Variants in ARHGEF28 observed in about 807,000 individuals in gnomAD.
ARHGEF28 encodes the protein Rho guanine nucleotide exchange factor 28.
In ARHGEF28, 152 loss-of-function variants were observed where a neutral mutation model predicts 206.6. The ratio of observed to expected loss-of-function variants is 0.74; its 90% confidence interval spans 0.64 to 0.84. The LOEUF is 0.84. ARHGEF28 is among the 40% of genes least tolerant of loss of function. The pLI is 0.00. For synonymous variants in ARHGEF28, 763 were observed against 776.4 expected, an observed-to-expected ratio of 0.98 and a Z score of 0.29; for missense variants, 2,028 against 2,073.2, an observed-to-expected ratio of 0.98 and a Z score of 0.42.
chr5:73,818,745 C>T (rs572303290), intron 9 of ARHGEF28, among the ~76,000 whole-genome samples: 12 of 152,288 alleles, frequency 7.9e-5, no homozygotes, highest in Admixed American at 6.5e-4. Flanking sequence ...TAAACAAATA[C>T]TTTGCCAAAT....
chr5:73,763,759 T>C (rs1216215002), intron 4 of ARHGEF28, among the ~76,000 whole-genome samples: 3 of 152,090 alleles, frequency 2.0e-5, no homozygotes, highest in African/African-American at 4.8e-5. Flanking sequence ...GAAAAATCGA[T>C]AAAGGCTGGA....
chr5:73,847,259 A>G (rs1758424594), intron 12 of ARHGEF28, among the ~76,000 whole-genome samples: 1 of 152,226 alleles, frequency 6.6e-6, no homozygotes, highest in African/African-American at 2.4e-5. Flanking sequence ...ATGCCCTACA[A>G]TATACAAAAT....
At chr5:73,859,892 A>G (rs568193935) in intron 16 of ARHGEF28, among the ~76,000 whole-genome samples, 1 of 152,254 alleles carries the variant, frequency 6.6e-6, no homozygotes, top group African/African-American at 2.4e-5. Flanking sequence ...CACTGCTTTT[A>G]AGCCTGTCTC....
chr5:73,737,769 G>A (rs563788717), intron 2 of ARHGEF28, among the ~76,000 whole-genome samples: 2 of 152,002 alleles, frequency 1.3e-5, no homozygotes, highest in South Asian at 2.1e-4. Flanking sequence ...CGCCTGCCTC[G>A]GACTCTCAAA....
chr5:73,730,217 TAG>T (rs1750524892), intron 2 of ARHGEF28, among the ~76,000 whole-genome samples: 1 of 152,226 alleles, frequency 6.6e-6, no homozygotes, highest in Non-Finnish European at 1.5e-5. Context: ...TCCTCAAATG[TAG>T]AGTTTTTTAA....
At chr5:73,811,799 G>T (rs113599375) in intron 9 of ARHGEF28, among the ~76,000 whole-genome samples, 5 of 152,068 alleles carry the variant, frequency 3.3e-5, no homozygotes, top group African/African-American at 1.2e-4. Flanking sequence ...CCTGGCTGAC[G>T]TAGAAATAAC....
At position 73,913,345 on chromosome 5, in the gene ARHGEF28, T is replaced by C. The variant is rs202087733; in HGVS notation, c.4948+1770T>C. On this transcript the variant is annotated intron_variant, in intron 35 of 35. Coordinates refer to ENST00000513042, the MANE Select transcript of ARHGEF28 (RefSeq NM_001177693.2). ...TTTGCAGCTAGTCAAAAAACCTTAT[T>C]TATGTTTACTTCATGATAAGCAATT... 6.2e-4 allele frequency among the ~76,000 whole-genome samples: 49 copies of C among 79,454 alleles called. No homozygotes were observed. In the African/African-American group the frequency reaches 6.6e-3, roughly 11 times the overall value. 52.1% of individuals were successfully genotyped at this position (79,454 alleles called of 152,430 possible).
At chr5:73,783,948 C>G (rs1330743067) in intron 7 of ARHGEF28, among the ~76,000 whole-genome samples, 1 of 152,140 alleles carries the variant, frequency 6.6e-6, no homozygotes, top group African/African-American at 2.4e-5. Flanking sequence ...GCCCTTGAAT[C>G]TAGACAATGC....
intron 35 of ARHGEF28, among the ~76,000 whole-genome samples, chr5:73,933,305 G>T (rs907998569): frequency 6.6e-6 from 1 of 152,158 alleles, no homozygotes. Flanking sequence ...CAAGAGCAAA[G>T]CCCATACCTG....
At chr5:73,662,093 C>T (rs1745640695) in intron 1 of ARHGEF28, among the ~76,000 whole-genome samples, 1 of 152,186 alleles carries the variant, frequency 6.6e-6, no homozygotes, top group African/African-American at 2.4e-5. Flanking sequence ...CCTGTTGCTG[C>T]TAATGTTAGT....
At chr5:73,678,771 A>C (rs2112234679) in intron 1 of ARHGEF28, among the ~76,000 whole-genome samples, 1 of 152,178 alleles carries the variant, frequency 6.6e-6, no homozygotes, top group South Asian at 2.1e-4. Flanking sequence ...TTAGGTGCAG[A>C]TCTTCAAAAT....
chr5:73,881,376 G>A (rs1194325450), intron 22 of ARHGEF28, among the ~76,000 whole-genome samples: 1 of 152,110 alleles, frequency 6.6e-6, no homozygotes, highest in African/African-American at 2.4e-5. Context: ...CTGTATATCA[G>A]TTTGAAGAAA....
intron 4 of ARHGEF28, among the ~76,000 whole-genome samples, chr5:73,761,261 G>A (rs992981816): frequency 2.6e-5 from 4 of 152,174 alleles, no homozygotes; most frequent in African/African-American, 4.8e-5. Flanking sequence ...TAACCTTGAA[G>A]GAGAAAGTTA....
At chr5:73,627,423 T>C (rs565723703) in intron 1 of ARHGEF28, 1 of 152,336 alleles carries the variant, frequency 6.6e-6, no homozygotes, top group East Asian at 1.9e-4. Context: ...CTGTTTTCAC[T>C]GCAAAAACAA....
At chr5:73,793,493 T>C (rs1290043992) in intron 7 of ARHGEF28, among the ~76,000 whole-genome samples, 4 of 152,200 alleles carry the variant, frequency 2.6e-5, no homozygotes. Context: ...GTCTAGGTAA[T>C]GAACCTGCTG....
At chr5:73,644,373 C>G (rs1481062913) in intron 1 of ARHGEF28, among the ~76,000 whole-genome samples, 1 of 152,210 alleles carries the variant, frequency 6.6e-6, no homozygotes, top group East Asian at 1.9e-4. Flanking sequence ...TGATGATTTC[C>G]TGGCTATAGT....
At chr5:73,835,746 T>C (rs1387468640) in intron 10 of ARHGEF28, among the ~76,000 whole-genome samples, 3 of 152,146 alleles carry the variant, frequency 2.0e-5, no homozygotes, top group African/African-American at 7.2e-5. Context: ...CCCCATTTTA[T>C]AGCTGGTTGA....
chr5:73,792,619 C>G lies in ARHGEF28; in HGVS notation c.911-1783C>G, dbSNP rs143146508. Reference sequence around the variant, plus strand: ...CTGTGCAGATGTGTCTGTTGAAACTCTGGTCCAGGTTATCCTTCCCTTCTT... The same window carrying G: ...CTGTGCAGATGTGTCTGTTGAAACTGTGGTCCAGGTTATCCTTCCCTTCTT... On this transcript the variant is annotated intron_variant, in intron 7 of 35. Transcript: ENST00000513042. 8.8e-3 allele frequency among the ~76,000 whole-genome samples: 1,316 copies of G among 149,324 alleles called. 10 individuals are homozygous for G. The highest frequency in any genetic ancestry group is 0.016 in the Non-Finnish European group (1,092 of 67,582).
intron 2 of ARHGEF28, among the ~76,000 whole-genome samples, chr5:73,697,983 G>T (rs1282093241): frequency 6.6e-6 from 1 of 152,208 alleles, no homozygotes; most frequent in Non-Finnish European, 1.5e-5. Context: ...GCAGATGCAG[G>T]TTTTGTGAGG....
Sources: allele counts gnomAD v4.1 joint callset (sites outside exome capture counted in the v4.1 genomes callset), GRCh38; gene constraint gnomAD v4.1.1; transcripts MANE v1.5; gene names NCBI Gene and HGNC (gene_info 2026-07-23, HGNC 2026-07-21).